EPB41L1: variants seen among roughly 807,000 people sequenced by gnomAD.
EPB41L1 encodes the protein band 4.1-like protein 1.
EPB41L1 carries 29 observed loss-of-function variants against 97.8 expected under a neutral mutation model. The observed-to-expected ratio is 0.30, with a 90% CI of 0.22 to 0.40. The LOEUF (loss-of-function observed/expected upper bound fraction) is 0.40. Among genes scored for constraint, EPB41L1 ranks in the 10% least tolerant of loss-of-function variants. The pLI is 1.00. For synonymous variants in EPB41L1, 383 were observed against 459.2 expected (o/e 0.83, Z 2.12); for missense variants, 812 against 1,162.3 (o/e 0.70, Z 4.38).
chr20:36,183,845 G>A (rs2061567971), intron 6 of EPB41L1, among the ~76,000 whole-genome samples: 2 of 152,102 alleles, frequency 1.3e-5, no homozygotes, highest in Admixed American at 6.5e-5. Flanking sequence ...GGCCCTGGGC[G>A]CACACTGAGG....
chr20:36,194,221 C>T lies in EPB41L1; in HGVS notation c.1310C>T (p.Ser437Phe), dbSNP rs1399011803. 1 of 1,613,788 alleles carries T rather than the reference C, an allele frequency of 6.2e-7. No homozygotes were observed. The highest frequency in any genetic ancestry group is 8.5e-7 in the Non-Finnish European group (1 of 1,180,032). Residue 437 changes from serine (S) to phenylalanine (F), a missense_variant, in exon 12 of 22, where the codon TCC becomes TTC. This residue lies in a region of EPB41L1 where 498 missense variants were observed against 622.7 expected (regional missense o/e 0.80). Transcript: ENST00000338074. The part of the protein sequence containing the change: ...MSRSLDGAEF[S>F]RPASVSENHD... ...TCTCCACCCACTTCAGCAGAGTTCTCCCGCCCAGCCTCGGTCAGCGAGAAC... is the reference window on the plus strand; with the variant it reads ...TCTCCACCCACTTCAGCAGAGTTCTTCCGCCCAGCCTCGGTCAGCGAGAAC...
intron 2 of EPB41L1, among the ~76,000 whole-genome samples, chr20:36,141,317 G>T (rs1051532960): frequency 6.6e-6 from 1 of 152,144 alleles, no homozygotes; most frequent in South Asian, 2.1e-4. Context: ...AAATGTGAAG[G>T]TTCACTACGA....
At chr20:36,169,292 A>G (rs948121376) in intron 1 of EPB41L1, among the ~76,000 whole-genome samples, 1 of 151,568 alleles carries the variant, frequency 6.6e-6, no homozygotes, top group Non-Finnish European at 1.5e-5. Flanking sequence ...TCACAGAGTG[A>G]GCAAGCATTG....
At chr20:36,094,354 AGGAAGT>A (rs2057763020) in intron 1 of EPB41L1, among the ~76,000 whole-genome samples, 1 of 152,210 alleles carries the variant, frequency 6.6e-6, no homozygotes, top group Admixed American at 6.5e-5. Context: ...CTGCGTGAAA[AGGAAGT>A]TTGGGAATTT....
intron 14 of EPB41L1, chr20:36,200,727 T>C: frequency 2.7e-6 from 1 of 373,428 alleles, no homozygotes; most frequent in Non-Finnish European, 5.4e-6. Flanking sequence ...ATCCTACAGA[T>C]ATGGGACTTA....
chr20:36,221,486 G>A (rs769742291), intron 19 of EPB41L1, among the ~76,000 whole-genome samples: 1 of 152,200 alleles, frequency 6.6e-6, no homozygotes, highest in Non-Finnish European at 1.5e-5. Flanking sequence ...GCCTGGTGAG[G>A]TGAACAAGGC....
chr20:36,200,798 C>T, intron 14 of EPB41L1: 6 of 430,688 alleles, frequency 1.4e-5, no homozygotes, highest in Admixed American at 1.1e-4. Flanking sequence ...TTTCTCTTTC[C>T]CTCTCTTCCT....
Position 36,212,252 on chromosome 20 carries a change from T to A in EPB41L1, c.2080-20T>A. 2 of 1,612,310 alleles carry A rather than the reference T, an allele frequency of 1.2e-6. No individual in the cohort carries two copies. The highest frequency in any genetic ancestry group is 4.5e-5 in the East Asian group (2 of 44,850). ...TGCTAGGGTTTCAGTTACAGAGCAT[T>A]CTCCCTCCTTTTCCTACAGCCCGTG... On this transcript the variant is annotated intron_variant, in intron 15 of 21. Coordinates refer to ENST00000338074, the MANE Select transcript of EPB41L1 (RefSeq NM_012156.2). The surrounding 1 kb of genome is among the most constrained non-coding windows in gnomAD (Gnocchi z 4.8).
chr20:36,187,577 CT>C, intron 7 of EPB41L1, 98 bp from the exon 8 acceptor site: 1 of 974,986 alleles, frequency 1.0e-6, no homozygotes, highest in Middle Eastern at 2.1e-4. Flanking sequence ...GCATATTTGA[CT>C]TTCTAGAATC....
Position 36,214,168 on chromosome 20 carries a change from C to T in EPB41L1, c.2185-189C>T, listed in dbSNP as rs76852208. Among the ~76,000 whole-genome samples, 1,133 of 152,214 alleles carry T rather than the reference C, an allele frequency of 7.4e-3. 12 individuals carry two copies. The highest frequency in any genetic ancestry group is 0.026 in the African/African-American group (1,077 of 41,536). ...ATAGTCTGAGATTATTTTTTATTTA[C>T]CAAATACACTGGTTGAAATGTAATG... On this transcript the variant is annotated intron_variant, in intron 16 of 21. Coordinates refer to ENST00000338074, the MANE Select transcript of EPB41L1 (RefSeq NM_012156.2).
intron 1 of EPB41L1, chr20:36,112,284 T>TG (rs1348707721): frequency 6.6e-5 from 10 of 152,352 alleles, no homozygotes; most frequent in Non-Finnish European, 2.9e-5. Flanking sequence ...CTTTCCGCCT[T>TG]GTCACAAGGC....
chr20:36,129,717 C>T (rs2059117256), intron 2 of EPB41L1, among the ~76,000 whole-genome samples: 3 of 151,998 alleles, frequency 2.0e-5, no homozygotes, highest in Non-Finnish European at 4.4e-5. Context: ...CAGTTATTGT[C>T]GTTTTTAAAA....
intron 2 of EPB41L1, among the ~76,000 whole-genome samples, chr20:36,134,673 C>T (rs909668518): frequency 2.0e-5 from 3 of 152,094 alleles, no homozygotes; most frequent in Non-Finnish European, 4.4e-5. Flanking sequence ...GCTGTTCCTG[C>T]AAGGTTACTG....
intron 2 of EPB41L1, among the ~76,000 whole-genome samples, chr20:36,132,717 C>T (rs1046136157): frequency 1.0e-4 from 12 of 115,838 alleles, no homozygotes; most frequent in East Asian, 2.3e-4. Context: ...ATGCTGTGGC[C>T]GGGGAGGGGT....
Position 36,232,481 on chromosome 20 carries a change from T to C in EPB41L1, c.*3141T>C. 2.5e-6 allele frequency: 1 copy of C among 397,934 alleles called. No individual in the cohort carries two copies. Among genetic ancestry groups the C allele is most frequent in the East Asian group, 3.6e-5 (1 of 28,064 alleles). 24.7% of individuals were successfully genotyped at this position (397,934 alleles called of 1,614,324 possible). Reference sequence around the variant, plus strand: ...ACTTTGCTATCTCATGGGTCTTCATTTTCTCTTATTTTGTTTTCTCTGGAT... The same window carrying C: ...ACTTTGCTATCTCATGGGTCTTCATCTTCTCTTATTTTGTTTTCTCTGGAT... On this transcript the variant is annotated 3_prime_UTR_variant, in exon 22 of 22. Coordinates refer to ENST00000338074, the MANE Select transcript of EPB41L1 (RefSeq NM_012156.2).
intron 14 of EPB41L1, chr20:36,200,891 A>G: frequency 4.4e-6 from 2 of 456,402 alleles, no homozygotes; most frequent in Non-Finnish European, 8.8e-6. Context: ...GACCCAGGAC[A>G]TCTCTCAGCG....
rs765673962 is a variant in EPB41L1, at chr20:36,204,471, C to CTTTTTTTTTT, written c.1669-5000_1669-4991dup. ...GGCCTAACAGTGCTGCGATCTGGTG[C>CTTTTTTTTTT]TTTTTTTTTTTTTTTTTTTTTTTTT... On this transcript the variant is annotated intron_variant, in intron 14 of 21. Transcript: ENST00000338074. 8.1e-4 allele frequency among the ~76,000 whole-genome samples: 73 copies of CTTTTTTTTTT among 90,602 alleles called. 5 individuals carry two copies. The highest frequency in any genetic ancestry group is 4.0e-3 in the African/African-American group (70 of 17,388). 59.4% of individuals were successfully genotyped at this position (90,602 alleles called of 152,430 possible).
intron 2 of EPB41L1, among the ~76,000 whole-genome samples, chr20:36,174,514 C>G (rs1288358120): frequency 6.6e-6 from 1 of 152,170 alleles, no homozygotes; most frequent in Admixed American, 6.5e-5. Context: ...CTCAGGTGAT[C>G]CACCTGCCTT....
At chr20:36,119,841 C>T (rs2058696955) in intron 2 of EPB41L1, among the ~76,000 whole-genome samples, 1 of 152,064 alleles carries the variant, frequency 6.6e-6, no homozygotes, top group African/African-American at 2.4e-5. Context: ...CTAGATTGCC[C>T]ACTGCCCTCC....
Sources: allele counts gnomAD v4.1 joint callset (sites outside exome capture counted in the v4.1 genomes callset), GRCh38; gene constraint gnomAD v4.1.1; regional missense constraint gnomAD v4.1.1; non-coding constraint Gnocchi (gnomAD v3.1); transcripts MANE v1.5; gene names NCBI Gene and HGNC (gene_info 2026-07-23, HGNC 2026-07-21).